Variants in SLC22A3 observed in about 807,000 individuals in gnomAD.
SLC22A3 encodes solute carrier family 22 member 3.
A neutral mutation model predicts 59.1 loss-of-function variants in SLC22A3; 51 were observed. That is an observed-to-expected ratio of 0.86 (90% CI 0.69 to 1.09). The LOEUF (loss-of-function observed/expected upper bound fraction) is 1.09, where lower values mean the gene tolerates loss of function less well. Among genes scored for constraint, SLC22A3 ranks in the 50% least tolerant of loss-of-function variants. The pLI is 0.00. For synonymous variants in SLC22A3, 325 were observed against 292.0 expected, an observed-to-expected ratio of 1.11 and a Z score of -1.15; for missense variants, 711 against 726.3, an observed-to-expected ratio of 0.98 and a Z score of 0.24.
At chr6:160,417,338 A>G (rs1228577924) in intron 5 of SLC22A3, among the ~76,000 whole-genome samples, 3 of 152,198 alleles carry the variant, frequency 2.0e-5, no homozygotes, top group Non-Finnish European at 2.9e-5. Context: ...TACAGCCTGG[A>G]GCAGAGCTGC....
chr6:160,349,617 T>G (rs1784596012), intron 1 of SLC22A3, among the ~76,000 whole-genome samples: 1 of 152,186 alleles, frequency 6.6e-6, no homozygotes, highest in Non-Finnish European at 1.5e-5. Context: ...GGGCAGTCAG[T>G]GCATTTGGAA....
intron 7 of SLC22A3, 28 bp from the exon 8 acceptor site, chr6:160,442,722 ACCCCTAACTCC>A (rs1562503745): frequency 7.0e-7 from 1 of 1,420,560 alleles, no homozygotes; most frequent in South Asian, 1.1e-5. Flanking sequence ...ATGAAATCAG[ACCCCTAACTCC>A]TCCCTTTCAA....
At chr6:160,426,399 T>C (rs559954176) in intron 5 of SLC22A3, 411 of 966,864 alleles carry the variant, frequency 4.3e-4, no homozygotes, top group Middle Eastern at 1.6e-3. Flanking sequence ...CAGGCATCAT[T>C]GGGCTGTGCA....
At position 160,442,825 on chromosome 6, in the gene SLC22A3, A is replaced by G; in HGVS notation, c.1353A>G (p.Glu451=). ...GACTAGGGATAACCATGGCCTTTGA[A>G]ATTGTTTATTTGGTAAATTCAGAAT... ...LGRLGITMAF[E]IVYLVNSELY... The change falls in exon 8 of 11, where the codon GAA becomes GAG. Residue 451 remains glutamate (E), a synonymous_variant. Coordinates refer to ENST00000275300, the MANE Select transcript of SLC22A3 (RefSeq NM_021977.4). The G allele has an allele frequency of 6.2e-7, 1 of 1,614,068 alleles. No homozygotes were observed. Among genetic ancestry groups the G allele is most frequent in the Non-Finnish European group, 8.5e-7 (1 of 1,179,914 alleles).
In SLC22A3 at chr6:160,432,647, C is replaced by T. The variant is rs572731799; in HGVS notation, c.976-4133C>T. ...TTCACCATGTTGGCCAGGCTGGTCTCGAACTCCTGACCTCGTGATCCGCCC... is the reference window on the plus strand; with the variant it reads ...TTCACCATGTTGGCCAGGCTGGTCTTGAACTCCTGACCTCGTGATCCGCCC... On this transcript the variant is annotated intron_variant, in intron 5 of 10. Transcript: ENST00000275300. Among the ~76,000 whole-genome samples, 25 of 152,166 alleles carry T rather than the reference C, an allele frequency of 1.6e-4. 1 individual carries two copies. The highest frequency in any genetic ancestry group is 5.1e-4 in the African/African-American group (21 of 41,528).
chr6:160,376,437 G>T (rs775383892), intron 1 of SLC22A3, among the ~76,000 whole-genome samples: 24 of 152,154 alleles, frequency 1.6e-4, no homozygotes, highest in African/African-American at 4.1e-4. Context: ...TATAGATCAT[G>T]GGTTGATAGG....
At chr6:160,411,619 G>A (rs1332889497) in intron 5 of SLC22A3, among the ~76,000 whole-genome samples, 2 of 152,158 alleles carry the variant, frequency 1.3e-5, no homozygotes, top group African/African-American at 4.8e-5. Flanking sequence ...GCACGCACCT[G>A]TTGTCTCAGC....
chr6:160,380,175 T>TA (rs1251791843), intron 1 of SLC22A3, among the ~76,000 whole-genome samples: 1 of 152,188 alleles, frequency 6.6e-6, no homozygotes, highest in Non-Finnish European at 1.5e-5. Flanking sequence ...CATAATATTT[T>TA]AAAAACTTGT....
intron 7 of SLC22A3, among the ~76,000 whole-genome samples, chr6:160,442,343 C>T (rs1033475669): frequency 1.3e-5 from 2 of 152,136 alleles, no homozygotes; most frequent in Admixed American, 1.3e-4. Flanking sequence ...GTGTCACCAC[C>T]GCAAGGTATG....
At chr6:160,365,379 C>CT (rs1293130550) in intron 1 of SLC22A3, among the ~76,000 whole-genome samples, 15 of 152,304 alleles carry the variant, frequency 9.8e-5, no homozygotes, top group African/African-American at 3.6e-4. Context: ...ATCCACCTGA[C>CT]TTGAGGGCTG....
intron 5 of SLC22A3, among the ~76,000 whole-genome samples, chr6:160,431,375 C>T (rs953199511): frequency 2.0e-5 from 3 of 152,190 alleles, no homozygotes; most frequent in Non-Finnish European, 4.4e-5. Flanking sequence ...CTTTGGATGC[C>T]TAGAAAGTGG....
At chr6:160,391,077 C>A (rs897440912) in intron 1 of SLC22A3, among the ~76,000 whole-genome samples, 6 of 152,136 alleles carry the variant, frequency 3.9e-5, no homozygotes, top group African/African-American at 1.4e-4. Flanking sequence ...TGTCATTGGA[C>A]TAGGGCCCGC....
At chr6:160,390,467 T>A (rs1415385751) in intron 1 of SLC22A3, among the ~76,000 whole-genome samples, 8 of 152,118 alleles carry the variant, frequency 5.3e-5, no homozygotes, top group African/African-American at 1.7e-4. Flanking sequence ...CTTTTACTGG[T>A]CAGAGTCTGT....
intron 1 of SLC22A3, among the ~76,000 whole-genome samples, chr6:160,369,171 T>A (rs1441208203): frequency 6.6e-6 from 1 of 152,236 alleles, no homozygotes; most frequent in Non-Finnish European, 1.5e-5. Flanking sequence ...TTGTTCTTTA[T>A]TTTTTCAGTA....
intron 1 of SLC22A3, among the ~76,000 whole-genome samples, chr6:160,394,647 T>A (rs1786399578): frequency 6.6e-6 from 1 of 152,242 alleles, no homozygotes. Context: ...AAGATCCCAG[T>A]CACAAAAACA....
At chr6:160,408,956 G>T in intron 4 of SLC22A3, 35 bp downstream of exon 4, 1 of 1,573,880 alleles carries the variant, frequency 6.4e-7, no homozygotes, top group South Asian at 1.1e-5. Context: ...TATTTATACT[G>T]ATTCTGCAGA....
chr6:160,383,662 A>C (rs1395767143), intron 1 of SLC22A3, among the ~76,000 whole-genome samples: 1 of 152,160 alleles, frequency 6.6e-6, no homozygotes, highest in Non-Finnish European at 1.5e-5. Flanking sequence ...ACCAATCACC[A>C]ACCACTCAGA....
rs114092890 is a variant in SLC22A3, at chr6:160,426,726, A to G, written c.976-10054A>G. 4.5e-3 allele frequency among the ~76,000 whole-genome samples: 681 copies of G among 152,226 alleles called. 7 individuals carry two copies. Among genetic ancestry groups the G allele is most frequent in the African/African-American group, 0.016 (652 of 41,534 alleles). On this transcript the variant is annotated intron_variant, in intron 5 of 10. Transcript: ENST00000275300. Reference sequence around the variant, plus strand: ...CTGTGTCTCTGGTCTCCATCTTCCTAATGATGGGCACCTGGGTTGCCTTCA... The same window carrying G: ...CTGTGTCTCTGGTCTCCATCTTCCTGATGATGGGCACCTGGGTTGCCTTCA...
In SLC22A3 at chr6:160,387,910, G is replaced by T. The variant is rs431621; in HGVS notation, c.430-10069G>T. ...TGAATTCTAACTCCTTTTATTATGGGCATGACCTTGTTTCTGTACTCCCAG... is the reference window on the plus strand; with the variant it reads ...TGAATTCTAACTCCTTTTATTATGGTCATGACCTTGTTTCTGTACTCCCAG... On this transcript the variant is annotated intron_variant, in intron 1 of 10. Transcript: ENST00000275300. 5.2e-3 allele frequency among the ~76,000 whole-genome samples: 797 copies of T among 152,210 alleles called. 12 individuals are homozygous for T. In the East Asian group the frequency reaches 0.063, roughly 12 times the overall value.
Sources: allele counts gnomAD v4.1 joint callset (sites outside exome capture counted in the v4.1 genomes callset), GRCh38; gene constraint gnomAD v4.1.1; transcripts MANE v1.5; gene names NCBI Gene and HGNC (gene_info 2026-07-23, HGNC 2026-07-21).